The following AKAP10 variants were observed in gnomAD, a reference collection of about 807,000 sequenced individuals.
The protein encoded by AKAP10 is A-kinase anchoring protein 10.
Under a neutral mutation model 80.8 loss-of-function variants are expected in AKAP10, and 24 were observed. The observed-to-expected ratio is 0.30, with a 90% CI of 0.22 to 0.42. The LOEUF (loss-of-function observed/expected upper bound fraction) is 0.42, where lower values mean the gene tolerates loss of function less well. AKAP10 is among the 10% of genes least tolerant of loss of function. AKAP10 has a pLI of 1.00. For missense variants in AKAP10, 661 were observed against 794.9 expected (o/e 0.83, Z 2.03); for synonymous variants, 291 against 277.7 (o/e 1.05, Z -0.48).
chr17:19,961,665 G>C (rs1334930949), intron 3 of AKAP10, among the ~76,000 whole-genome samples: 3 of 151,870 alleles, frequency 2.0e-5, no homozygotes, highest in African/African-American at 7.3e-5. Flanking sequence ...CAGAAATTTG[G>C]GTAAGAAATA....
At chr17:19,971,841 A>G (rs1238895810) in intron 1 of AKAP10, among the ~76,000 whole-genome samples, 1 of 152,110 alleles carries the variant, frequency 6.6e-6, no homozygotes, top group Non-Finnish European at 1.5e-5. Context: ...TTCAGCCAGG[A>G]GCATTGGCTC....
chr17:19,917,548 C>T (rs1337891146), intron 12 of AKAP10, among the ~76,000 whole-genome samples: 1 of 152,196 alleles, frequency 6.6e-6, no homozygotes, highest in East Asian at 1.9e-4. Context: ...CAATTCACTG[C>T]AGCCGCAGCC....
chr17:19,952,282 G>A (rs539364176), intron 4 of AKAP10, among the ~76,000 whole-genome samples: 1 of 151,630 alleles, frequency 6.6e-6, no homozygotes. Flanking sequence ...TGGCTAACAT[G>A]GTGAAAATCC....
At chr17:19,942,045 G>GT in intron 5 of AKAP10, 135 bp from the exon 6 acceptor site, 1 of 512,386 alleles carries the variant, frequency 2.0e-6, no homozygotes, top group Non-Finnish European at 3.1e-6. Flanking sequence ...GAAAATACAG[G>GT]TAACACTTGA....
chr17:19,957,901 TAG>T (rs2043298747), intron 4 of AKAP10, 111 bp downstream of exon 4: 2 of 1,158,480 alleles, frequency 1.7e-6, no homozygotes, highest in Middle Eastern at 2.9e-4. Context: ...TACAAGTAGT[TAG>T]AGGAGAAAAA....
At chr17:19,916,665 C>T (rs928547060) in intron 12 of AKAP10, among the ~76,000 whole-genome samples, 6 of 151,700 alleles carry the variant, frequency 4.0e-5, no homozygotes, top group Non-Finnish European at 7.4e-5. Flanking sequence ...AGGCCAGGCA[C>T]GGTGGCTCAC....
chr17:19,968,062 G>A (rs1301199868), intron 2 of AKAP10: 13 of 174,650 alleles, frequency 7.4e-5, no homozygotes, highest in East Asian at 3.0e-4. Context: ...TTAGCCAGGC[G>A]TGGCGCCGTG....
In AKAP10 at chr17:19,947,522, G is replaced by C. The variant is rs1200616196; in HGVS notation, c.878-17C>G. 1 of 1,591,976 alleles carries C rather than the reference G, an allele frequency of 6.3e-7. No homozygotes were observed. Among genetic ancestry groups the C allele is most frequent in the African/African-American group, 1.3e-5 (1 of 74,492 alleles). On this transcript the variant is annotated splice_polypyrimidine_tract_variant and intron_variant, in intron 4 of 14. Transcript: ENST00000225737. ...GTTCTATACCTGCAAGGGAAGAAGA[G>C]AACTTCAAAAACCAAAAAGCAACTT...
chr17:19,966,977 G>C (rs1296203180), intron 2 of AKAP10, among the ~76,000 whole-genome samples: 1 of 152,014 alleles, frequency 6.6e-6, no homozygotes, highest in Non-Finnish European at 1.5e-5. Context: ...TAGGCTGTAA[G>C]GTACCTTACT....
chr17:19,938,492 C>T (rs1006003749), intron 8 of AKAP10, among the ~76,000 whole-genome samples: 11 of 152,078 alleles, frequency 7.2e-5, no homozygotes, highest in Admixed American at 5.9e-4. Flanking sequence ...CTGCCTCAGC[C>T]TCCCAAAGTG....
rs766218694 is a variant in AKAP10 at position 19,941,814 on chromosome 17, GAACT to G, written c.1061+8_1061+11del. 2.6e-6 allele frequency: 4 copies of G among 1,542,508 alleles called. No individual in the cohort carries two copies. Among genetic ancestry groups the G allele is most frequent in the Non-Finnish European group, 3.5e-6 (4 of 1,142,134 alleles). ...CCTAGGATGCACAATGTGAAAATAT[GAACT>G]AACTTACTCTTGCTCCATTGCACTA... On this transcript the variant is annotated splice_region_variant and intron_variant, in intron 6 of 14. Coordinates refer to ENST00000225737, the MANE Select transcript of AKAP10 (RefSeq NM_007202.4).
chr17:19,928,548 C>A (rs903724078), intron 10 of AKAP10, among the ~76,000 whole-genome samples: 8 of 152,302 alleles, frequency 5.3e-5, no homozygotes, highest in African/African-American at 1.9e-4. Context: ...CCTCTTGACT[C>A]AGCAATTCTA....
At chr17:19,973,038 G>A (rs1290342315) in intron 1 of AKAP10, among the ~76,000 whole-genome samples, 1 of 152,124 alleles carries the variant, frequency 6.6e-6, no homozygotes, top group Non-Finnish European at 1.5e-5. Flanking sequence ...GGAGTGCAGT[G>A]GTGCTATCTC....
intron 8 of AKAP10, among the ~76,000 whole-genome samples, chr17:19,937,765 C>A (rs1256929595): frequency 6.6e-6 from 1 of 152,142 alleles, no homozygotes; most frequent in Non-Finnish European, 1.5e-5. Context: ...GCATTCCAGT[C>A]CAAATTCTGC....
Position 19,932,114 on chromosome 17 carries a change from GTAC to G in AKAP10, c.1468-139_1468-137del, listed in dbSNP as rs1465786848. ...ATAACAAATGTTTTTACTTCTTGTT[GTAC>G]TACAAGTATTATCCCTTTGTACAGT... On this transcript the variant is annotated intron_variant, in intron 9 of 14. Transcript: ENST00000225737. The G allele has an allele frequency of 8.6e-6, 7 of 810,138 alleles. No homozygotes were observed. In the East Asian group the frequency reaches 1.6e-4, roughly 19 times the overall value. 50.2% of individuals were successfully genotyped at this position (810,138 alleles called of 1,614,324 possible).
chr17:19,945,635 A>G (rs925795532), intron 5 of AKAP10, among the ~76,000 whole-genome samples: 1 of 152,168 alleles, frequency 6.6e-6, no homozygotes, highest in Non-Finnish European at 1.5e-5. Flanking sequence ...TGGAGCCAAC[A>G]TGACATGGAC....
chr17:19,958,673 A>C, intron 3 of AKAP10, 102 bp from the exon 4 acceptor site: 1 of 973,556 alleles, frequency 1.0e-6, no homozygotes, highest in African/African-American at 1.6e-5. Flanking sequence ...AGAGACCTTG[A>C]ATAAAGTTTA....
At position 19,947,487 on chromosome 17, in the gene AKAP10, A is replaced by C. The variant is rs575578369; in HGVS notation, c.896T>G (p.Val299Gly). 6.2e-7 allele frequency: 1 copy of C among 1,612,178 alleles called. No individual in the cohort carries two copies. Among genetic ancestry groups the C allele is most frequent in the Non-Finnish European group, 8.5e-7 (1 of 1,178,442 alleles). The change falls in exon 5 of 15, where the codon GTG becomes GGG. Residue 299 changes from valine to glycine, a missense_variant. Transcript: ENST00000225737. ...KLMKSIEQDA[V>G]NTFTKYISPD... is the part of the protein sequence containing the mutation. ...AGATATATATTTGGTAAAAGTATTC[A>C]CTGCATCTTGTTCTATACCTGCAAG...
At position 19,905,402 on chromosome 17, in the gene AKAP10, G is replaced by A. The variant is rs920639956; in HGVS notation, c.*825C>T. On this transcript the variant is annotated 3_prime_UTR_variant, in exon 15 of 15. Coordinates refer to ENST00000225737, the MANE Select transcript of AKAP10 (RefSeq NM_007202.4). ...ACTGCTTTGTTCAAGGTGCCACAGG[G>A]GCAAAAGTGGAGTCATCGCTATTTC... 1 of 151,974 alleles carries A rather than the reference G, an allele frequency of 6.6e-6. No homozygotes were observed. Among genetic ancestry groups the A allele is most frequent in the African/African-American group, 2.4e-5 (1 of 41,382 alleles). 9.4% of individuals were successfully genotyped at this position (151,974 alleles called of 1,614,324 possible).
Sources: gnomAD v4.1 joint callset for allele counts (sites outside exome capture counted in the v4.1 genomes callset) on GRCh38, gnomAD v4.1.1 for gene constraint, MANE v1.5 for transcripts, NCBI Gene and HGNC (gene_info 2026-07-23, HGNC 2026-07-21) for gene names.